CARMIL1: variants seen among roughly 807,000 people sequenced by gnomAD.
CARMIL1 encodes capping protein regulator and myosin 1 linker 1.
Under a neutral mutation model 177.1 loss-of-function variants are expected in CARMIL1, and 90 were observed. The ratio of observed to expected loss-of-function variants is 0.51; its 90% CI spans 0.43 to 0.61. The LOEUF (loss-of-function observed/expected upper bound fraction) is 0.61, where lower values mean the gene tolerates loss of function less well. CARMIL1 is among the 20% of genes least tolerant of loss of function. The pLI is 0.00. For synonymous variants in CARMIL1, 577 were observed against 606.2 expected (o/e 0.95, Z 0.71); for missense variants, 1,380 against 1,667.0 (o/e 0.83, Z 3.00).
At chr6:25,608,174 G>T (rs1379845846) in intron 35 of CARMIL1, among the ~76,000 whole-genome samples, 2 of 152,196 alleles carry the variant, frequency 1.3e-5, no homozygotes, top group Non-Finnish European at 2.9e-5. Flanking sequence ...AACCTAGTTT[G>T]TAGAGGACAG....
chr6:25,488,148 A>C (rs191746249), intron 12 of CARMIL1, among the ~76,000 whole-genome samples: 282 of 152,348 alleles, frequency 1.9e-3, no homozygotes, highest in Non-Finnish European at 3.2e-3. Context: ...CAGGATTAAG[A>C]GAAGGATAAA....
Position 25,493,131 on chromosome 6 carries a change from A to G in CARMIL1, c.1220+1107A>G, listed in dbSNP as rs1803390503. On this transcript the variant is annotated intron_variant, in intron 15 of 36. Coordinates refer to ENST00000329474, the MANE Select transcript of CARMIL1 (RefSeq NM_017640.6). ...ACTAGGTTACAAGATGAAAGCACAG[A>G]CTATAAAGGTTTTTGTATAATCAGC... is the stretch of plus-strand genomic sequence containing the variant. Among the ~76,000 whole-genome samples the G allele has an allele frequency of 1.3e-5, 2 of 152,234 alleles. 1 individual carries two copies. The highest frequency in any genetic ancestry group is 2.9e-5 in the Non-Finnish European group (2 of 68,038).
chr6:25,307,986 G>C (rs1357724019), intron 2 of CARMIL1, among the ~76,000 whole-genome samples: 3 of 152,194 alleles, frequency 2.0e-5, no homozygotes, highest in African/African-American at 7.2e-5. Flanking sequence ...GTGGATGTTG[G>C]CATTCAAATG....
At chr6:25,553,594 G>C (rs955116036) in intron 27 of CARMIL1, among the ~76,000 whole-genome samples, 1 of 152,168 alleles carries the variant, frequency 6.6e-6, no homozygotes, top group Non-Finnish European at 1.5e-5. Context: ...TGAGTGATAC[G>C]CATACTAAAG....
intron 23 of CARMIL1, among the ~76,000 whole-genome samples, chr6:25,522,215 A>G (rs212938): frequency 0.82 from 124,443 of 152,178 alleles, 51,236 homozygotes; most frequent in East Asian, 0.95. Flanking sequence ...AGTTTTACAT[A>G]TTGCAATAAA....
At chr6:25,474,035 T>C (rs1468859503) in intron 11 of CARMIL1, among the ~76,000 whole-genome samples, 1 of 152,160 alleles carries the variant, frequency 6.6e-6, no homozygotes, top group Non-Finnish European at 1.5e-5. Context: ...TTTGTTTTCA[T>C]TTTCTGTTGC....
intron 32 of CARMIL1, among the ~76,000 whole-genome samples, chr6:25,597,969 C>T (rs1815013223): frequency 6.6e-6 from 1 of 152,234 alleles, no homozygotes; most frequent in South Asian, 2.1e-4. Context: ...CTGATGTTGA[C>T]TTGAGTCTTT....
At chr6:25,347,182 G>A (rs73732949) in intron 2 of CARMIL1, among the ~76,000 whole-genome samples, 57 of 152,300 alleles carry the variant, frequency 3.7e-4, no homozygotes, top group African/African-American at 1.4e-3. Flanking sequence ...CCATGCCAAA[G>A]CTTTTGTATT....
chr6:25,561,258 C>A (rs568508560), intron 29 of CARMIL1, among the ~76,000 whole-genome samples: 2 of 152,202 alleles, frequency 1.3e-5, no homozygotes, highest in East Asian at 3.9e-4. Flanking sequence ...TTTAATTTGT[C>A]ACCATATATA....
intron 2 of CARMIL1, among the ~76,000 whole-genome samples, chr6:25,308,377 A>ATTT (rs35167760): frequency 2.8e-4 from 33 of 118,812 alleles, no homozygotes; most frequent in Non-Finnish European, 4.8e-4. Context: ...TTGTACAACC[A>ATTT]TTTTTTTTTT....
chr6:25,541,561 G>A (rs1312337013), intron 26 of CARMIL1, among the ~76,000 whole-genome samples: 1 of 152,234 alleles, frequency 6.6e-6, no homozygotes, highest in Non-Finnish European at 1.5e-5. Flanking sequence ...TCACTAGTGC[G>A]AGCAATTGCT....
At chr6:25,344,877 C>T (rs1316579548) in intron 2 of CARMIL1, among the ~76,000 whole-genome samples, 1 of 152,146 alleles carries the variant, frequency 6.6e-6, no homozygotes, top group East Asian at 1.9e-4. Flanking sequence ...CTATTTTCTT[C>T]TTTCTACCTG....
intron 36 of CARMIL1, among the ~76,000 whole-genome samples, chr6:25,614,209 G>A (rs138511065): frequency 6.6e-6 from 1 of 152,184 alleles, no homozygotes; most frequent in Non-Finnish European, 1.5e-5. Flanking sequence ...TCAGCCACAT[G>A]TGCTCACTTG....
intron 5 of CARMIL1, among the ~76,000 whole-genome samples, chr6:25,443,289 G>A (rs1286537255): frequency 6.6e-6 from 1 of 152,196 alleles, no homozygotes; most frequent in Non-Finnish European, 1.5e-5. Context: ...CCAGATGATG[G>A]TTTTGAACCA....
intron 5 of CARMIL1, among the ~76,000 whole-genome samples, chr6:25,437,707 A>G (rs1405785021): frequency 1.3e-5 from 2 of 152,194 alleles, no homozygotes; most frequent in African/African-American, 2.4e-5. Context: ...TTCTGTCTCA[A>G]TTAATGGCAT....
At chr6:25,600,834 A>G (rs1815330049) in intron 33 of CARMIL1, 88 bp downstream of exon 33, 2 of 1,160,190 alleles carry the variant, frequency 1.7e-6, no homozygotes, top group Admixed American at 3.2e-5. Flanking sequence ...ATTTTTATGT[A>G]TGTCTATCAC....
chr6:25,414,143 C>T (rs1245258286), intron 2 of CARMIL1, among the ~76,000 whole-genome samples: 1 of 152,150 alleles, frequency 6.6e-6, no homozygotes, highest in Non-Finnish European at 1.5e-5. Flanking sequence ...CTTGTTTGAG[C>T]ATCTCTTGTA....
chr6:25,449,874 GTGT>G (rs762337596), intron 5 of CARMIL1, 21 bp from the exon 6 acceptor site: 125 of 1,451,592 alleles, frequency 8.6e-5, no homozygotes, highest in Middle Eastern at 2.0e-4. Context: ...TTTGTGAAAT[GTGT>G]TGTTGTTGTT....
intron 26 of CARMIL1, among the ~76,000 whole-genome samples, chr6:25,550,574 AG>A (rs1809984622): frequency 1.3e-5 from 2 of 152,122 alleles, no homozygotes; most frequent in African/African-American, 2.4e-5. Context: ...TCTTGTGGTA[AG>A]GGGGTGTATA....
Sources: allele counts gnomAD v4.1 joint callset (sites outside exome capture counted in the v4.1 genomes callset), GRCh38; gene constraint gnomAD v4.1.1; transcripts MANE v1.5; gene names NCBI Gene and HGNC (gene_info 2026-07-23, HGNC 2026-07-21).